Variants in HPS4 observed in about 807,000 individuals in gnomAD.
The protein encoded by HPS4 is BLOC-3 complex member HPS4.
Under a neutral mutation model 70.3 loss-of-function variants are expected in HPS4, and 44 were observed. That is an observed-to-expected ratio of 0.63 (90% CI 0.49 to 0.80). The LOEUF (loss-of-function observed/expected upper bound fraction) is 0.80. Ranked by LOEUF, HPS4 falls within the 30% of genes least tolerant of loss-of-function variation. The pLI is 0.00. For missense variants in HPS4, 873 were observed against 884.4 expected, an observed-to-expected ratio of 0.99 and a Z score of 0.16; for synonymous variants, 377 against 355.9, an observed-to-expected ratio of 1.06 and a Z score of -0.67.
chr22:26,469,707 A>G (rs914550478), intron 7 of HPS4, among the ~76,000 whole-genome samples: 3 of 47,452 alleles, frequency 6.3e-5, no homozygotes, highest in Admixed American at 1.5e-4. Context: ...AAAAAGAAAA[A>G]AAAATATATA....
At chr22:26,479,999 A>C (rs922566176) in intron 2 of HPS4, among the ~76,000 whole-genome samples, 1 of 152,072 alleles carries the variant, frequency 6.6e-6, no homozygotes, top group African/African-American at 2.4e-5. Flanking sequence ...TTCCTCATTA[A>C]CCGTCTCCTG....
rs145481980 is a variant in HPS4, at chr22:26,458,544, C to G, written c.1747G>C (p.Glu583Gln). Residue 583 changes from glutamate (E) to glutamine (Q), a missense_variant, in exon 12 of 14, where the codon GAA becomes CAA. Transcript: ENST00000398145. Reference protein sequence around the residue: ...HSSLASLNGLEVHLKETLPRD... With the variant: ...HSSLASLNGLQVHLKETLPRD... ...GGCAGCGTCTCTTTCAGGTGGACTT[C>G]CAGCCCATTCAGTGAAGCCAGGCTG... is the stretch of plus-strand genomic sequence containing the variant. 6.2e-6 allele frequency: 10 copies of G among 1,614,170 alleles called. No individual in the cohort carries two copies. The highest frequency in any genetic ancestry group is 8.5e-6 in the Non-Finnish European group (10 of 1,180,026).
At chr22:26,480,347 A>T (rs775531130) in intron 2 of HPS4, among the ~76,000 whole-genome samples, 27 of 151,866 alleles carry the variant, frequency 1.8e-4, no homozygotes, top group East Asian at 5.8e-4. Context: ...ATTTTTTTTT[A>T]AATTTTTTAT....
intron 3 of HPS4, 118 bp downstream of exon 3, chr22:26,479,147 T>G: frequency 1.0e-6 from 1 of 972,380 alleles, no homozygotes; most frequent in Non-Finnish European, 1.6e-6. Context: ...AATAAGACAG[T>G]AGAAATGTCA....
intron 13 of HPS4, among the ~76,000 whole-genome samples, chr22:26,455,257 A>G (rs1255073729): frequency 6.6e-6 from 1 of 152,120 alleles, no homozygotes; most frequent in Non-Finnish European, 1.5e-5. Context: ...ATTATAAATC[A>G]TGCTGCTATA....
rs751621468 is a variant in HPS4, at chr22:26,466,251, C to T, written c.681G>A (p.Thr227=). ...RTAPQEQRLP[T]GEDAPQEHGA... ...CATGTTCCTGCGGGGCATCCTCTCC[C>T]GTAGGGAGTCTCTGAAAACAAACAC... The change falls in exon 9 of 14, where the codon ACG becomes ACA. Residue 227 remains threonine (T), a synonymous_variant. Transcript: ENST00000398145. 5.0e-6 allele frequency: 8 copies of T among 1,614,066 alleles called. No individual in the cohort carries two copies. Among genetic ancestry groups the T allele is most frequent in the East Asian group, 4.5e-5 (2 of 44,898 alleles).
Position 26,452,398 on chromosome 22 carries a change from A to C in HPS4, c.*835T>G, listed in dbSNP as rs1229501963. On this transcript the variant is annotated 3_prime_UTR_variant, in exon 14 of 14. Coordinates refer to ENST00000398145, the MANE Select transcript of HPS4 (RefSeq NM_022081.6). ...GAGTGTCGCTCCCTTTCACGCAGCC[A>C]CCACTGAAAAGCACAGTGCTTTTAC... 2.2e-6 allele frequency: 1 copy of C among 455,832 alleles called. No homozygotes were observed. The highest frequency in any genetic ancestry group is 4.4e-6 in the Non-Finnish European group (1 of 226,776). The allele number at this position is 455,832 out of a possible 1,614,324, so 28.2% of individuals were successfully genotyped here. A position where few individuals can be genotyped will look rare whatever the true frequency, so the allele number is the denominator to read the frequency against.
chr22:26,464,819 C>G lies in HPS4; in HGVS notation c.811G>C (p.Ala271Pro). Reference sequence around the variant, plus strand: ...CCATCCTGGAGTCCTGCTGGAGATGCTAGAGACCTGGCAAACAAGAGAGAT... The same window carrying G: ...CCATCCTGGAGTCCTGCTGGAGATGGTAGAGACCTGGCAAACAAGAGAGAT... The part of the protein sequence containing the change: ...FPVEQMTRSL[A>P]SPAGLQDGSA... The change falls in exon 11 of 14, where the codon GCA becomes CCA. Residue 271 changes from alanine to proline, a missense_variant. Physicochemically the swap from Ala to Pro is conservative, Grantham distance 27. Coordinates refer to ENST00000398145, the MANE Select transcript of HPS4 (RefSeq NM_022081.6). The G allele has an allele frequency of 6.3e-7, 1 of 1,592,716 alleles. No homozygotes were observed. Among genetic ancestry groups the G allele is most frequent in the Non-Finnish European group, 8.5e-7 (1 of 1,171,898 alleles).
chr22:26,474,669 T>A (rs1200222784), intron 4 of HPS4, among the ~76,000 whole-genome samples: 1 of 152,150 alleles, frequency 6.6e-6, no homozygotes, highest in Non-Finnish European at 1.5e-5. Context: ...TGGGAGAAAT[T>A]ATTTTAAAAA....
chr22:26,445,278 G>T (rs1204745307), intron 3 of HPS4, among the ~76,000 whole-genome samples: 1 of 152,230 alleles, frequency 6.6e-6, no homozygotes, highest in East Asian at 1.9e-4. Context: ...GGGCTGCAGT[G>T]AGCCTAGGTC....
At chr22:26,447,487 T>A (rs183136098), downstream of HPS4, among the ~76,000 whole-genome samples, 621 of 152,234 alleles carry the variant, frequency 4.1e-3, 15 homozygotes, top group East Asian at 0.021. Context: ...GAGTGTCAAG[T>A]GAGGTTTTGG....
At position 26,479,276 on chromosome 22, in the gene HPS4, A is replaced by G; in HGVS notation, c.121T>C (p.Tyr41His). 2 of 1,614,204 alleles carry G rather than the reference A, an allele frequency of 1.2e-6. No individual in the cohort carries two copies. Among genetic ancestry groups the G allele is most frequent in the South Asian group, 1.1e-5 (1 of 91,078 alleles). The change falls in exon 3 of 14, where the codon TAT (tyrosine) becomes CAT (histidine). Residue 41 changes from tyrosine (Y) to histidine (H), a missense_variant. Physicochemically the swap from Tyr to His is moderately conservative, Grantham distance 83. Transcript: ENST00000398145. Reference sequence around the variant, plus strand: ...GCTGTGTGGCTTACCTGGGAAGGATAAAAGTAACAAATGCCAGCTCTTGTT... The same window carrying G: ...GCTGTGTGGCTTACCTGGGAAGGATGAAAGTAACAAATGCCAGCTCTTGTT... ...DPTRAGICYF[Y>H]PSQTLLDQQE...
intron 7 of HPS4, 82 bp from the exon 8 acceptor site, chr22:26,468,705 C>T: frequency 7.8e-7 from 1 of 1,287,046 alleles, no homozygotes; most frequent in Non-Finnish European, 1.1e-6. Context: ...CCTAACAGCC[C>T]GTGTTGACGA....
intron 7 of HPS4, 33 bp downstream of exon 7, chr22:26,470,686 G>C: frequency 8.1e-6 from 13 of 1,601,604 alleles, no homozygotes; most frequent in Non-Finnish European, 1.1e-5. Context: ...GCAAGGGAAT[G>C]GGGCTGGAAG....
At position 26,457,891 on chromosome 22, in the gene HPS4, G is replaced by C. The variant is rs377050180; in HGVS notation, c.1923C>G (p.Ala641=). 1 of 1,614,130 alleles carries C rather than the reference G, an allele frequency of 6.2e-7. No individual in the cohort carries two copies. ...QAVSLMHSEF[A]QLPALYEMTV... is the part of the protein sequence containing the mutation. ...TCATTTCATAAAGCGCGGGCAGCTG[G>C]GCAAATTCGCTATGCATCAGGCTGA... Residue 641 remains alanine (A), a synonymous_variant, in exon 13 of 14, where the codon GCC becomes GCG. Transcript: ENST00000398145.
At chr22:26,456,552 A>G (rs994588409) in intron 13 of HPS4, among the ~76,000 whole-genome samples, 8 of 152,204 alleles carry the variant, frequency 5.3e-5, no homozygotes, top group African/African-American at 1.9e-4. Context: ...CCAGCTACTC[A>G]GGAGGCTGAG....
intron 9 of HPS4, chr22:26,465,855 C>G (rs1042827559): frequency 6.5e-5 from 36 of 554,076 alleles, no homozygotes; most frequent in African/African-American, 5.3e-4. Context: ...TGCTCCAACT[C>G]AGGCTTCAGA....
intron 4 of HPS4, among the ~76,000 whole-genome samples, chr22:26,473,209 A>T (rs1227814012): frequency 5.3e-5 from 8 of 152,154 alleles, no homozygotes; most frequent in Non-Finnish European, 1.2e-4. Flanking sequence ...CCCACCACCA[A>T]TTTCAGTATC....
chr22:26,472,481 G>T (rs1430142511), intron 5 of HPS4, 63 bp from the exon 6 acceptor site: 1 of 1,054,768 alleles, frequency 9.5e-7, no homozygotes, highest in Admixed American at 1.7e-5. Context: ...TTTGGCCAGA[G>T]TCCCAACTAC....
Sources: allele counts gnomAD v4.1 joint callset (sites outside exome capture counted in the v4.1 genomes callset), GRCh38; gene constraint gnomAD v4.1.1; transcripts MANE v1.5; gene names NCBI Gene and HGNC (gene_info 2026-07-23, HGNC 2026-07-21).